ANK3: variants seen among roughly 807,000 people sequenced by gnomAD.
The protein encoded by ANK3 is ankyrin 3.
Under a neutral mutation model 370.9 loss-of-function variants are expected in ANK3, and 57 were observed. The observed-to-expected ratio is 0.15, with a 90% CI of 0.12 to 0.19. The LOEUF is 0.19. Ranked by LOEUF, ANK3 falls within the 10% of genes least tolerant of loss-of-function variation. ANK3 has a pLI of 1.00. For missense variants in ANK3, 4,439 were observed against 5,302.1 expected, an observed-to-expected ratio of 0.84 and a Z score of 5.06; for synonymous variants, 1,929 against 1,946.3, an observed-to-expected ratio of 0.99 and a Z score of 0.23.
intron 9 of ANK3, among the ~76,000 whole-genome samples, chr10:60,209,353 A>G (rs1450170950): frequency 6.6e-6 from 1 of 152,214 alleles, no homozygotes; most frequent in African/African-American, 2.4e-5. Context: ...ATTTGCTCTG[A>G]ATTTATCAAT....
chr10:60,315,313 A>C (rs531627672), intron 1 of ANK3, among the ~76,000 whole-genome samples: 1 of 152,276 alleles, frequency 6.6e-6, no homozygotes, highest in African/African-American at 2.4e-5. Flanking sequence ...TTCTTCTTGA[A>C]AGTATTTTTA....
intron 2 of ANK3, among the ~76,000 whole-genome samples, chr10:60,552,364 C>T (rs1406718679): frequency 6.6e-6 from 1 of 152,190 alleles, no homozygotes; most frequent in Admixed American, 6.5e-5. Flanking sequence ...ATCCATGTCT[C>T]AGATTTCACA....
chr10:60,233,338 C>G (rs185944284), intron 8 of ANK3, among the ~76,000 whole-genome samples: 1 of 152,306 alleles, frequency 6.6e-6, no homozygotes, highest in East Asian at 1.9e-4. Flanking sequence ...AATTCTAAGT[C>G]TTGGTTTTTT....
At chr10:60,081,399 G>A in intron 35 of ANK3, 1 of 318,260 alleles carries the variant, frequency 3.1e-6, no homozygotes, top group South Asian at 2.7e-5. Context: ...CCTGGCCAGA[G>A]GTACTATTAC....
chr10:60,229,236 G>A (rs1229910612), intron 8 of ANK3, among the ~76,000 whole-genome samples: 1 of 151,992 alleles, frequency 6.6e-6, no homozygotes, highest in Non-Finnish European at 1.5e-5. Flanking sequence ...TATATGACAT[G>A]AAGAAACATT....
chr10:60,061,037 G>A (rs2080344831), intron 40 of ANK3, among the ~76,000 whole-genome samples: 1 of 152,202 alleles, frequency 6.6e-6, no homozygotes, highest in African/African-American at 2.4e-5. Context: ...GTTCAACGAA[G>A]AGGAGAGACA....
At chr10:60,560,759 T>C (rs1258629025) in intron 2 of ANK3, among the ~76,000 whole-genome samples, 1 of 152,166 alleles carries the variant, frequency 6.6e-6, no homozygotes, top group Non-Finnish European at 1.5e-5. Context: ...ACCCATAAAA[T>C]CACAACCACA....
In ANK3 at chr10:60,072,111, G is replaced by C. The variant is rs765209107; in HGVS notation, c.8770C>G (p.Pro2924Ala). 1.2e-6 allele frequency: 2 copies of C among 1,613,684 alleles called. No homozygotes were observed. Among genetic ancestry groups the C allele is most frequent in the Non-Finnish European group, 1.7e-6 (2 of 1,179,962 alleles). ...SEIKEMTVKS[P>A]SKKVLYREYV... is the part of the protein sequence containing the mutation. ...TCCCTATATAAGACTTTTTTGGAGG[G>C]AGATTTTACAGTCATTTCTTTAATT... The change falls in exon 37 of 44, where the codon CCC becomes GCC. Residue 2924 changes from proline to alanine, a missense_variant. Pro to Ala is a conservative substitution (Grantham distance 27). This residue lies in a region of ANK3 where 1,601 missense variants were observed against 1,731.7 expected (regional missense o/e 0.92). Transcript: ENST00000280772.
At chr10:60,152,415 G>A (rs1448537388) in intron 23 of ANK3, among the ~76,000 whole-genome samples, 1 of 151,988 alleles carries the variant, frequency 6.6e-6, no homozygotes, top group Non-Finnish European at 1.5e-5. Context: ...TTTACCACTG[G>A]CTCTCTATAG....
At chr10:60,464,702 T>C (rs2064969295) in intron 2 of ANK3, among the ~76,000 whole-genome samples, 2 of 152,196 alleles carry the variant, frequency 1.3e-5, no homozygotes, top group African/African-American at 4.8e-5. Context: ...CCCAATATAC[T>C]GTCAAAGTGC....
chr10:60,504,441 AT>A (rs1160730830), intron 2 of ANK3, among the ~76,000 whole-genome samples: 1 of 152,148 alleles, frequency 6.6e-6, no homozygotes, highest in Non-Finnish European at 1.5e-5. Flanking sequence ...TCCCATAAGG[AT>A]TTGATTATAA....
intron 2 of ANK3, among the ~76,000 whole-genome samples, chr10:60,423,491 A>G (rs1298748928): frequency 6.6e-6 from 1 of 151,794 alleles, no homozygotes; most frequent in Admixed American, 6.6e-5. Context: ...CTATAACAAT[A>G]TACTAGCTCA....
chr10:60,055,827 G>T lies in ANK3; in HGVS notation c.12896C>A (p.Pro4299Gln), dbSNP rs928744064. The change falls in exon 42 of 44, where the codon CCA (proline) becomes CAA (glutamine). Residue 4299 changes from proline (P) to glutamine (Q), a missense_variant. This residue lies in a region of ANK3 where 242 missense variants were observed against 228.0 expected (regional missense o/e 1.06). Transcript: ENST00000280772. ...GSGHVEEPAS[P>Q]LAAYQKSLEE... ...TAGAGATTTCTGATATGCTGCTAGT[G>T]GTGATGCTGGTTCTTCAACATGACC... 11 of 1,614,052 alleles carry T rather than the reference G, an allele frequency of 6.8e-6. No homozygotes were observed. Among genetic ancestry groups the T allele is most frequent in the African/African-American group, 1.3e-5 (1 of 74,930 alleles).
intron 1 of ANK3, among the ~76,000 whole-genome samples, chr10:60,333,388 G>A (rs547873095): frequency 6.6e-6 from 1 of 152,162 alleles, no homozygotes; most frequent in South Asian, 2.1e-4. Flanking sequence ...TTATGAGTGA[G>A]AACATGCTGT....
upstream of ANK3, among the ~76,000 whole-genome samples, chr10:60,390,464 AG>A (rs2062999525): frequency 6.6e-6 from 1 of 152,096 alleles, no homozygotes. Context: ...CTTTCATGTT[AG>A]GGTTTGCTTC....
rs764367710 is a variant in ANK3 at position 60,492,706 on chromosome 10, CAAAA to C, written c.96+122476_96+122479del. Among the ~76,000 whole-genome samples the C allele has an allele frequency of 6.1e-4, 35 of 57,500 alleles. No homozygotes were observed. The East Asian group carries it at 0.013, about 21-fold the overall frequency. The allele number at this position is 57,500 out of a possible 152,430, so 37.7% of individuals were successfully genotyped here. On this transcript the variant is annotated intron_variant, in intron 2 of 43. Coordinates refer to the ANK3 transcript ENST00000373827. ...TGGGCAACACAGTGAGACTCTGTCT[CAAAA>C]AAAAAAAAAAAAAAGAAAGAAAGAA...
intron 1 of ANK3, among the ~76,000 whole-genome samples, chr10:60,709,772 G>A (rs1419580653): frequency 6.7e-6 from 1 of 149,980 alleles, no homozygotes; most frequent in East Asian, 2.0e-4. Context: ...AGGCTGCAGT[G>A]AGCCATGATT....
In ANK3 at chr10:60,271,461, C is replaced by T. The variant is rs935047801; in HGVS notation, c.415-1232G>A. ...AGCTCAAGCCATCTGCCTGCCTTGG[C>T]CTCTCAAAGTGCTTGATTATAGGTG... On this transcript the variant is annotated intron_variant, in intron 4 of 43. Transcript: ENST00000280772. Among the ~76,000 whole-genome samples, 23 of 152,088 alleles carry T rather than the reference C, an allele frequency of 1.5e-4. 1 individual carries two copies. Among genetic ancestry groups the T allele is most frequent in the Non-Finnish European group, 2.9e-5 (2 of 68,014 alleles).
At chr10:60,163,939 A>C (rs1244395063) in intron 23 of ANK3, among the ~76,000 whole-genome samples, 1 of 152,194 alleles carries the variant, frequency 6.6e-6, no homozygotes, top group Non-Finnish European at 1.5e-5. Context: ...TATACTCACA[A>C]CATGCCTATG....
Sources: gnomAD v4.1 joint callset for allele counts (sites outside exome capture counted in the v4.1 genomes callset) on GRCh38, gnomAD v4.1.1 for gene constraint, gnomAD v4.1.1 regional missense constraint, MANE v1.5 for transcripts, NCBI Gene and HGNC (gene_info 2026-07-23, HGNC 2026-07-21) for gene names.